The following SLC35E1 variants were observed in gnomAD, a reference collection of about 807,000 sequenced individuals.
The protein encoded by SLC35E1 is solute carrier family 35, member E1.
In SLC35E1, 12 loss-of-function variants were observed where a neutral mutation model predicts 31.0. The observed-to-expected ratio is 0.39, with a 90% CI of 0.25 to 0.63. The LOEUF (loss-of-function observed/expected upper bound fraction) is 0.63. Ranked by LOEUF, SLC35E1 falls within the 20% of genes least tolerant of loss-of-function variation. The pLI is 0.52. For synonymous variants in SLC35E1, 257 were observed against 264.1 expected (o/e 0.97, Z 0.26); for missense variants, 429 against 572.2 (o/e 0.75, Z 2.55).
chr19:16,565,715 A>G (rs1361031951), intron 4 of SLC35E1: 1 of 145,060 alleles, frequency 6.9e-6, no homozygotes, highest in Non-Finnish European at 1.5e-5. Context: ...ACAGGGTGTC[A>G]CCATATTGGC....
At chr19:16,571,895 C>A in intron 1 of SLC35E1, 49 bp downstream of exon 1, 1 of 1,518,836 alleles carries the variant, frequency 6.6e-7, no homozygotes. Flanking sequence ...CGCCCAAACC[C>A]GAAGCGGCGG....
chr19:16,553,461 G>GTCTC lies in SLC35E1; in HGVS notation c.*214_*217dup, dbSNP rs905710255. 16 of 385,376 alleles carry GTCTC rather than the reference G, an allele frequency of 4.2e-5. No individual in the cohort carries two copies. Among genetic ancestry groups the GTCTC allele is most frequent in the African/African-American group, 3.1e-4 (15 of 48,492 alleles). The allele number at this position is 385,376 out of a possible 1,614,324, so 23.9% of individuals were successfully genotyped here. On this transcript the variant is annotated 3_prime_UTR_variant, in exon 6 of 6. Transcript: ENST00000595753. ...CAGGAAGAAAGAGCATGAGACACTG[G>GTCTC]TCTCTGTTTAGGTTTGCCCAGAGCT...
intron 4 of SLC35E1, among the ~76,000 whole-genome samples, chr19:16,559,199 C>T (rs1422895922): frequency 2.0e-5 from 3 of 151,914 alleles, no homozygotes; most frequent in Non-Finnish European, 2.9e-5. Context: ...GCCTGTAATC[C>T]CAGTTGCTCG....
In SLC35E1 at chr19:16,553,665, C is replaced by A; in HGVS notation, c.*14G>T. On this transcript the variant is annotated 3_prime_UTR_variant, in exon 6 of 6. Coordinates refer to ENST00000595753, the MANE Select transcript of SLC35E1 (RefSeq NM_024881.5). The stretch of plus-strand genomic sequence containing the variant: ...GGAAGGAGTCACCAACAGTCTGGTC[C>A]TGTCCTTTGGACTCTACACATCATA... 3 of 1,489,416 alleles carry A rather than the reference C, an allele frequency of 2.0e-6. No individual in the cohort carries two copies. The highest frequency in any genetic ancestry group is 1.4e-5 in the South Asian group (1 of 70,750). 92.3% of individuals were successfully genotyped at this position (1,489,416 alleles called of 1,614,324 possible).
At chr19:16,560,392 C>T (rs754720048) in intron 4 of SLC35E1, among the ~76,000 whole-genome samples, 6 of 152,052 alleles carry the variant, frequency 3.9e-5, no homozygotes, top group South Asian at 2.1e-4. Flanking sequence ...GTACAGAGAA[C>T]AAGCTGCAAA....
intron 2 of SLC35E1, among the ~76,000 whole-genome samples, chr19:16,569,048 C>T (rs1363012736): frequency 6.7e-6 from 1 of 149,690 alleles, no homozygotes; most frequent in Non-Finnish European, 1.5e-5. Flanking sequence ...TTTTTTGAGA[C>T]GGAGTCTCGC....
rs143646296 is a variant in SLC35E1 at position 16,555,132 on chromosome 19, C to T, written c.1002+20G>A. On this transcript the variant is annotated intron_variant, in intron 5 of 5. Transcript: ENST00000595753. This position sits in a 1 kb window ranked among gnomAD's most constrained non-coding sequence, Gnocchi z 4.1. Reference sequence around the variant, plus strand: ...TTGGGGGGCCGGCTTCCTTCCCTGCCCAGCCTCTCAGACTCTCACCTTGTT... The same window carrying T: ...TTGGGGGGCCGGCTTCCTTCCCTGCTCAGCCTCTCAGACTCTCACCTTGTT... 2,098 of 1,613,278 alleles carry T rather than the reference C, an allele frequency of 1.3e-3. 24 individuals are homozygous for T. In the African/African-American group the frequency reaches 0.025, roughly 19 times the overall value.
chr19:16,572,388 C>T lies in SLC35E1; in HGVS notation c.-24G>A. 1 of 995,538 alleles carries T rather than the reference C, an allele frequency of 1.0e-6. No homozygotes were observed. The highest frequency in any genetic ancestry group is 1.2e-6 in the Non-Finnish European group (1 of 836,878). The allele number at this position is 995,538 out of a possible 1,614,324, so 61.7% of individuals were successfully genotyped here. A position where few individuals can be genotyped will look rare whatever the true frequency, so the allele number is the denominator to read the frequency against. On this transcript the variant is annotated 5_prime_UTR_variant, in exon 1 of 6. Coordinates refer to ENST00000595753, the MANE Select transcript of SLC35E1 (RefSeq NM_024881.5). The surrounding 1 kb of genome is among the most constrained non-coding windows in gnomAD (Gnocchi z 4.1). ...ATCCTGCCCGAGCGGCCGCCCCTTC[C>T]AGCCCGTCCGACGGCCCGACGCCGG...
At chr19:16,561,158 G>A (rs1375138913) in intron 4 of SLC35E1, among the ~76,000 whole-genome samples, 16 of 130,648 alleles carry the variant, frequency 1.2e-4, no homozygotes, top group East Asian at 7.1e-4. Context: ...AGGTTGCAGC[G>A]AGCTGAGATC....
chr19:16,568,091 GT>G lies in SLC35E1; in HGVS notation c.570del (p.Leu191SerfsTer44), dbSNP rs1568274957. 1 of 1,613,822 alleles carries G rather than the reference GT, an allele frequency of 6.2e-7. No homozygotes were observed. Among genetic ancestry groups the G allele is most frequent in the Non-Finnish European group, 8.5e-7 (1 of 1,179,970 alleles). On this transcript the variant is annotated frameshift_variant, in exon 3 of 6. Coordinates refer to ENST00000595753, the MANE Select transcript of SLC35E1 (RefSeq NM_024881.5). LOFTEE classifies it high-confidence loss of function. The stretch of plus-strand genomic sequence containing the variant: ...AGCGTGGCGGCGAGGGCGCTGACGA[GT>G]CCCCACATGTCAAAAGACAACTCGG... ...TVTELSFDMW[G>X]LVSALAATLC...
intron 4 of SLC35E1, among the ~76,000 whole-genome samples, chr19:16,563,732 C>T (rs1053197296): frequency 6.6e-6 from 1 of 152,198 alleles, no homozygotes; most frequent in African/African-American, 2.4e-5. Context: ...CCACCTACCT[C>T]GGTCTCCTAA....
intron 2 of SLC35E1, among the ~76,000 whole-genome samples, chr19:16,569,795 G>A (rs2085948830): frequency 6.6e-6 from 1 of 152,220 alleles, no homozygotes; most frequent in African/African-American, 2.4e-5. Context: ...AGTAAGCTGA[G>A]ATCGCACCAC....
chr19:16,564,314 CTTTTTT>C (rs772630954), intron 4 of SLC35E1: 7 of 151,176 alleles, frequency 4.6e-5, no homozygotes, highest in African/African-American at 1.7e-4. Context: ...TTTTTTTCTT[CTTTTTT>C]TTTAAGATGG....
In SLC35E1 at chr19:16,555,111, G is replaced by C. The variant is rs747692706; in HGVS notation, c.1002+41C>G. 2.7e-5 allele frequency: 44 copies of C among 1,611,238 alleles called. No individual in the cohort carries two copies. Among genetic ancestry groups the C allele is most frequent in the Non-Finnish European group, 3.6e-5 (42 of 1,178,474 alleles). ...CCTTTTCTGACTTCCTGGGTGTTGG[G>C]GGGCCGGCTTCCTTCCCTGCCCAGC... On this transcript the variant is annotated intron_variant, in intron 5 of 5. Transcript: ENST00000595753. The surrounding 1 kb of genome is among the most constrained non-coding windows in gnomAD (Gnocchi z 4.1).
At chr19:16,558,584 G>C (rs2085888464) in intron 4 of SLC35E1, among the ~76,000 whole-genome samples, 1 of 151,888 alleles carries the variant, frequency 6.6e-6, no homozygotes, top group Non-Finnish European at 1.5e-5. Flanking sequence ...TGATCCACCT[G>C]GCTCGGCCTT....
Position 16,572,411 on chromosome 19 carries a change from C to A in SLC35E1, c.-47G>T, listed in dbSNP as rs1366307548. 1.0e-6 allele frequency: 1 copy of A among 973,966 alleles called. No individual in the cohort carries two copies. The highest frequency in any genetic ancestry group is 1.2e-6 in the Non-Finnish European group (1 of 819,338). 60.3% of individuals were successfully genotyped at this position (973,966 alleles called of 1,614,324 possible). On this transcript the variant is annotated 5_prime_UTR_variant, in exon 1 of 6. Coordinates refer to ENST00000595753, the MANE Select transcript of SLC35E1 (RefSeq NM_024881.5). This position sits in a 1 kb window ranked among gnomAD's most constrained non-coding sequence, Gnocchi z 4.1. ...TCCAGCCCGTCCGACGGCCCGACGC[C>A]GGGCGGGGGCGGGGCTGGGCGGGGG...
chr19:16,555,014 G>T lies in SLC35E1; in HGVS notation c.1002+138C>A. ...GGAAGCCAGAGTGGGATGGGGCTAC[G>T]CCAAGATCATAAACCAGTCAGTGGC... On this transcript the variant is annotated intron_variant, in intron 5 of 5. Coordinates refer to ENST00000595753, the MANE Select transcript of SLC35E1 (RefSeq NM_024881.5). This position sits in a 1 kb window ranked among gnomAD's most constrained non-coding sequence, Gnocchi z 4.1. 7.7e-7 allele frequency: 1 copy of T among 1,290,656 alleles called. No homozygotes were observed. The highest frequency in any genetic ancestry group is 1.0e-6 in the Non-Finnish European group (1 of 958,682). The allele number at this position is 1,290,656 out of a possible 1,614,324, so 80.0% of individuals were successfully genotyped here. A position where few individuals can be genotyped will look rare whatever the true frequency, so the allele number is the denominator to read the frequency against.
At chr19:16,567,965 A>G in intron 3 of SLC35E1, 67 bp downstream of exon 3, 1 of 1,469,440 alleles carries the variant, frequency 6.8e-7, no homozygotes, top group Non-Finnish European at 9.0e-7. Context: ...TGTTTTCCCA[A>G]TGCCACCAGT....
rs1201696533 is a variant in SLC35E1, at chr19:16,555,214, C to A, written c.940G>T (p.Val314Phe). The change falls in exon 5 of 6, where the codon GTC becomes TTC. Residue 314 changes from valine (V) to phenylalanine (F), a missense_variant. Val to Phe is a conservative substitution (Grantham distance 50). Coordinates refer to ENST00000595753, the MANE Select transcript of SLC35E1 (RefSeq NM_024881.5). This position sits in a 1 kb window ranked among gnomAD's most constrained non-coding sequence, Gnocchi z 4.1. ...ATGCCCAGGACGTTGGTGCTGGTGA[C>A]TGGGTTGCGCAGCATGATCAGGGAC... The part of the protein sequence containing the change: ...TVSLIMLRNP[V>F]TSTNVLGMMT... 6.2e-7 allele frequency: 1 copy of A among 1,614,186 alleles called. No individual in the cohort carries two copies. The highest frequency in any genetic ancestry group is 8.5e-7 in the Non-Finnish European group (1 of 1,180,028).
Sources: allele counts gnomAD v4.1 joint callset (sites outside exome capture counted in the v4.1 genomes callset), GRCh38; gene constraint gnomAD v4.1.1; non-coding constraint Gnocchi (gnomAD v3.1); transcripts MANE v1.5; gene names NCBI Gene and HGNC (gene_info 2026-07-23, HGNC 2026-07-21).